The following ATG7 variants were observed in gnomAD, a reference collection of about 807,000 sequenced individuals.
The protein encoded by ATG7 is ubiquitin-like modifier-activating enzyme ATG7.
In ATG7, 70 loss-of-function variants were observed where a neutral mutation model predicts 82.4. The observed-to-expected ratio is 0.85, with a 90% confidence interval of 0.70 to 1.04. The LOEUF (loss-of-function observed/expected upper bound fraction) is 1.04. Among genes scored for constraint, ATG7 ranks in the 50% least tolerant of loss-of-function variants. The pLI is 0.00. For missense variants in ATG7, 792 were observed against 864.3 expected (o/e 0.92, Z 1.05); for synonymous variants, 287 against 313.0 (o/e 0.92, Z 0.88).
chr3:11,472,764 T>A (rs764541271), intron 20 of ATG7, among the ~76,000 whole-genome samples: 2 of 152,214 alleles, frequency 1.3e-5, no homozygotes, highest in Non-Finnish European at 1.5e-5. Context: ...TGTCTTTGAC[T>A]TTTTTACCCC....
At chr3:11,502,893 T>C (rs922489508) in intron 20 of ATG7, among the ~76,000 whole-genome samples, 1 of 152,184 alleles carries the variant, frequency 6.6e-6, no homozygotes, top group African/African-American at 2.4e-5. Flanking sequence ...CCCTCTCTTA[T>C]TCCATTTTGG....
chr3:11,312,050 G>C (rs1382657631), intron 7 of ATG7, among the ~76,000 whole-genome samples: 1 of 151,556 alleles, frequency 6.6e-6, no homozygotes, highest in African/African-American at 2.4e-5. Flanking sequence ...TAATATGTAT[G>C]AGATTTCTTT....
intron 18 of ATG7, among the ~76,000 whole-genome samples, chr3:11,367,945 G>A (rs1342574712): frequency 6.6e-6 from 1 of 151,730 alleles, no homozygotes; most frequent in African/African-American, 2.4e-5. Flanking sequence ...ATCACAAAAC[G>A]AACAGTCTTA....
At position 11,551,213 on chromosome 3, in the gene ATG7, G is replaced by A. The variant is rs565844559; in HGVS notation, c.2080-3598G>A. Among the ~76,000 whole-genome samples, 101 of 152,266 alleles carry A rather than the reference G, an allele frequency of 6.6e-4. 1 individual carries two copies. The highest frequency in any genetic ancestry group is 2.3e-3 in the African/African-American group (96 of 41,538). ...CGTGCTGACGCACCCTCTCCTCCTC[G>A]GGGGTTTCATGGCGTCTCCCTCGGC... is the stretch of plus-strand genomic sequence containing the variant. On this transcript the variant is annotated intron_variant, in intron 20 of 20. Transcript: ENST00000693202.
intron 19 of ATG7, among the ~76,000 whole-genome samples, chr3:11,411,016 A>G (rs2152915939): frequency 6.6e-6 from 1 of 152,288 alleles, no homozygotes; most frequent in East Asian, 1.9e-4. Context: ...AGTAACTGCC[A>G]TGCTATTTTT....
At chr3:11,297,758 T>A (rs1459235632) in intron 3 of ATG7, among the ~76,000 whole-genome samples, 1 of 152,130 alleles carries the variant, frequency 6.6e-6, no homozygotes, top group Non-Finnish European at 1.5e-5. Context: ...CTAGAGGTGT[T>A]AAAGCACTGC....
At chr3:11,528,332 C>T (rs1223126434) in intron 20 of ATG7, among the ~76,000 whole-genome samples, 1 of 152,102 alleles carries the variant, frequency 6.6e-6, no homozygotes, top group Non-Finnish European at 1.5e-5. Flanking sequence ...TTTAAAAAAA[C>T]ATAAGATAGC....
chr3:11,518,585 C>G (rs1208485283), intron 20 of ATG7, among the ~76,000 whole-genome samples: 1 of 151,748 alleles, frequency 6.6e-6, no homozygotes, highest in Non-Finnish European at 1.5e-5. Flanking sequence ...ACAAAACAAT[C>G]TTAGTGCAGA....
intron 20 of ATG7, among the ~76,000 whole-genome samples, chr3:11,509,303 C>A (rs2091920708): frequency 1.3e-5 from 2 of 152,172 alleles, no homozygotes; most frequent in South Asian, 4.1e-4. Context: ...GCCCAGATAA[C>A]ACTTAAAGGG....
At chr3:11,400,152 G>A (rs985635198) in intron 19 of ATG7, among the ~76,000 whole-genome samples, 5 of 152,166 alleles carry the variant, frequency 3.3e-5, no homozygotes, top group African/African-American at 1.2e-4. Context: ...ATCCCAGCTT[G>A]AAGGCTCTTA....
intron 20 of ATG7, among the ~76,000 whole-genome samples, chr3:11,516,928 C>T (rs1015285607): frequency 1.3e-5 from 2 of 152,030 alleles, no homozygotes; most frequent in Admixed American, 6.6e-5. Flanking sequence ...ACTAAAAATC[C>T]ACAAATTAGC....
rs570903800 is a variant in ATG7 at position 11,280,031 on chromosome 3, C to T, written c.-365-963C>T. On this transcript the variant is annotated intron_variant, in intron 1 of 20. Transcript: ENST00000693202. ...TTGAAGAAATAACTAATGGAAGCCC[C>T]AATTTCATTTCTTTTCTTTTCTTTT... Among the ~76,000 whole-genome samples the T allele has an allele frequency of 5.3e-5, 8 of 151,494 alleles. No individual in the cohort carries two copies. In the East Asian group the frequency reaches 1.5e-3, roughly 29 times the overall value.
intron 3 of ATG7, among the ~76,000 whole-genome samples, chr3:11,292,164 G>C (rs975088313): frequency 2.0e-5 from 3 of 152,296 alleles, no homozygotes; most frequent in East Asian, 3.9e-4. Context: ...ATGGGCTTCA[G>C]AGTGGCGTGA....
chr3:11,317,586 T>A (rs1026204009), intron 9 of ATG7, among the ~76,000 whole-genome samples: 1 of 9,328 alleles, frequency 1.1e-4, no homozygotes, highest in African/African-American at 2.0e-4. Flanking sequence ...CTTTCTTTCT[T>A]TTTTTTTTTT....
At position 11,555,168 on chromosome 3, in the gene ATG7, T is replaced by C; in HGVS notation, c.*325T>C. On this transcript the variant is annotated 3_prime_UTR_variant, in exon 21 of 21. Transcript: ENST00000693202. ...TCCTTTCCCCTTGGCCCTGAGGGGGTGACCCAACACAGACCAAATGGGGAA... is the reference window on the plus strand; with the variant it reads ...TCCTTTCCCCTTGGCCCTGAGGGGGCGACCCAACACAGACCAAATGGGGAA... 1 of 374,812 alleles carries C rather than the reference T, an allele frequency of 2.7e-6. No individual in the cohort carries two copies. Among genetic ancestry groups the C allele is most frequent in the East Asian group, 5.2e-5 (1 of 19,366 alleles). 23.2% of individuals were successfully genotyped at this position (374,812 alleles called of 1,614,324 possible).
At chr3:11,306,606 G>A (rs1947784968) in intron 5 of ATG7, among the ~76,000 whole-genome samples, 1 of 152,148 alleles carries the variant, frequency 6.6e-6, no homozygotes, top group Non-Finnish European at 1.5e-5. Flanking sequence ...GAGCTGTTAT[G>A]AGAATTCAAA....
intron 20 of ATG7, among the ~76,000 whole-genome samples, chr3:11,486,848 T>C (rs1188070840): frequency 6.7e-6 from 1 of 150,164 alleles, no homozygotes; most frequent in East Asian, 1.9e-4. Context: ...TTTAATTTAT[T>C]TTTTTATTGA....
intron 20 of ATG7, among the ~76,000 whole-genome samples, chr3:11,507,156 C>T (rs1053057705): frequency 6.6e-6 from 1 of 152,124 alleles, no homozygotes; most frequent in Non-Finnish European, 1.5e-5. Context: ...GTGGCACGCA[C>T]CTGTAGTGCC....
At chr3:11,512,778 C>G (rs1050382211) in intron 20 of ATG7, among the ~76,000 whole-genome samples, 1 of 152,192 alleles carries the variant, frequency 6.6e-6, no homozygotes, top group Admixed American at 6.5e-5. Flanking sequence ...GGGACCTGAG[C>G]GGGTTGCCAT....
Sources: gnomAD v4.1 joint callset for allele counts (sites outside exome capture counted in the v4.1 genomes callset) on GRCh38, gnomAD v4.1.1 for gene constraint, MANE v1.5 for transcripts, NCBI Gene and HGNC (gene_info 2026-07-23, HGNC 2026-07-21) for gene names.